ETNK1: variants seen among roughly 807,000 people sequenced by gnomAD.
ETNK1 encodes the protein ethanolamine kinase 1, also known as putative protein product of Nbla10396.
In ETNK1, 8 loss-of-function variants were observed where a neutral mutation model predicts 45.1. That is an observed-to-expected ratio of 0.18 (90% confidence interval 0.10 to 0.32). The LOEUF (loss-of-function observed/expected upper bound fraction) is 0.32, where lower values mean the gene tolerates loss of function less well. Ranked by LOEUF, ETNK1 falls within the 10% of genes least tolerant of loss-of-function variation. ETNK1 has a pLI of 1.00. For synonymous variants in ETNK1, 152 were observed against 151.9 expected (o/e 1.00, Z -0.01); for missense variants, 302 against 430.6 (o/e 0.70, Z 2.64).
intron 4 of ETNK1, among the ~76,000 whole-genome samples, chr12:22,664,405 GATTA>G (rs934948478): frequency 1.3e-5 from 2 of 151,888 alleles, no homozygotes; most frequent in African/African-American, 2.4e-5. Context: ...TAACTTGAGA[GATTA>G]ATTTAGATTA....
intron 3 of ETNK1, 86 bp downstream of exon 3, chr12:22,659,240 T>A: frequency 7.5e-7 from 1 of 1,340,842 alleles, no homozygotes; most frequent in South Asian, 1.5e-5. Flanking sequence ...AGTTTCATTG[T>A]ATAAAATCTG....
chr12:22,676,587 G>A (rs1424662205), intron 6 of ETNK1, among the ~76,000 whole-genome samples: 1 of 152,020 alleles, frequency 6.6e-6, no homozygotes, highest in African/African-American at 2.4e-5. Flanking sequence ...TTGCCACACT[G>A]TCTTCCACAA....
At chr12:22,655,037 T>G (rs1405253056) in intron 2 of ETNK1, among the ~76,000 whole-genome samples, 1 of 152,212 alleles carries the variant, frequency 6.6e-6, no homozygotes, top group Non-Finnish European at 1.5e-5. Flanking sequence ...TGGTGAGATC[T>G]CAGCTCACTG....
At chr12:22,667,147 A>T (rs1235047293) in intron 4 of ETNK1, among the ~76,000 whole-genome samples, 1 of 152,210 alleles carries the variant, frequency 6.6e-6, no homozygotes, top group African/African-American at 2.4e-5. Context: ...ACCTGAAGTT[A>T]TGAAGAAAGA....
chr12:22,662,522 G>C (rs1218948417), intron 4 of ETNK1, among the ~76,000 whole-genome samples: 1 of 151,794 alleles, frequency 6.6e-6, no homozygotes, highest in Non-Finnish European at 1.5e-5. Context: ...AGTCCCCTGA[G>C]TAGCTGGGAC....
chr12:22,676,626 GA>G (rs1391851919), intron 6 of ETNK1, among the ~76,000 whole-genome samples: 2 of 152,016 alleles, frequency 1.3e-5, no homozygotes, highest in Non-Finnish European at 2.9e-5. Flanking sequence ...CTCCCACCAA[GA>G]GTATAAAAGC....
intron 1 of ETNK1, among the ~76,000 whole-genome samples, chr12:22,628,367 T>C (rs535354385): frequency 6.6e-6 from 1 of 152,070 alleles, no homozygotes; most frequent in Non-Finnish European, 1.5e-5. Flanking sequence ...CTTAAAAGCT[T>C]TGGCTCATAA....
At chr12:22,634,285 G>A (rs570120488) in intron 1 of ETNK1, among the ~76,000 whole-genome samples, 5 of 151,954 alleles carry the variant, frequency 3.3e-5, no homozygotes, top group Admixed American at 1.3e-4. Context: ...TTGCATTCCT[G>A]GAGAAAACCC....
rs1384636594 is a variant in ETNK1, at chr12:22,684,940, A to G, written c.1078A>G (p.Lys360Glu). ...FKMKPEVTAL[K>E]VPE The stretch of plus-strand genomic sequence containing the variant: ...AATGAAGCCTGAGGTTACTGCATTA[A>G]AAGTGCCTGAGTAAAGAAGAGATTT... Residue 360 changes from lysine to glutamate, a missense_variant, in exon 8 of 8, where the codon AAA (lysine) becomes GAA (glutamate). This residue lies in a region of ETNK1 where 94 missense variants were observed against 152.9 expected (regional missense o/e 0.61). Transcript: ENST00000266517. The G allele has an allele frequency of 6.2e-7, 1 of 1,606,014 alleles. No individual in the cohort carries two copies.
chr12:22,635,927 C>T (rs1953650169), intron 1 of ETNK1, among the ~76,000 whole-genome samples: 1 of 152,048 alleles, frequency 6.6e-6, no homozygotes, highest in Non-Finnish European at 1.5e-5. Flanking sequence ...AGGCACAGCC[C>T]AGCACTTTGG....
At chr12:22,670,473 A>G (rs1234178394) in intron 4 of ETNK1, among the ~76,000 whole-genome samples, 3 of 152,140 alleles carry the variant, frequency 2.0e-5, no homozygotes, top group Admixed American at 1.3e-4. Context: ...TCATTACTCA[A>G]AAGTTAAAAG....
chr12:22,673,534 T>G lies in ETNK1; in HGVS notation c.819T>G (p.Asp273Glu), dbSNP rs780843279. 39 of 1,613,722 alleles carry G rather than the reference T, an allele frequency of 2.4e-5. No individual in the cohort carries two copies. Among genetic ancestry groups the G allele is most frequent in the Non-Finnish European group, 3.1e-5 (37 of 1,179,842 alleles). Residue 273 changes from aspartate to glutamate, a missense_variant, in exon 6 of 8, where the codon GAT becomes GAG. Transcript: ENST00000266517. Reference protein sequence around the residue: ...VSDVDYSLYPDRELQSQWLRA... With the variant: ...VSDVDYSLYPERELQSQWLRA... ...ATGTAGACTATAGTCTGTATCCAGA[T>G]AGAGAACTACAGAGTCAGTGGCTGC... is the stretch of plus-strand genomic sequence containing the variant.
intron 1 of ETNK1, among the ~76,000 whole-genome samples, chr12:22,630,324 G>C (rs1953558949): frequency 6.6e-6 from 1 of 152,122 alleles, no homozygotes; most frequent in Admixed American, 6.5e-5. Flanking sequence ...CAGTAATTCT[G>C]ACATGTGTTT....
chr12:22,651,335 G>A (rs143622304), intron 2 of ETNK1, among the ~76,000 whole-genome samples: 1 of 152,254 alleles, frequency 6.6e-6, no homozygotes, highest in Non-Finnish European at 1.5e-5. Context: ...GAAGATGAAG[G>A]CTCCGTTGTG....
At chr12:22,671,904 A>G (rs927668666) in intron 5 of ETNK1, among the ~76,000 whole-genome samples, 1 of 150,784 alleles carries the variant, frequency 6.6e-6, no homozygotes, top group Non-Finnish European at 1.5e-5. Context: ...GCTTCTGTTG[A>G]GATCAGACAT....
chr12:22,681,779 C>T (rs1954217941), intron 6 of ETNK1, among the ~76,000 whole-genome samples: 1 of 152,016 alleles, frequency 6.6e-6, no homozygotes, highest in African/African-American at 2.4e-5. Context: ...TAATGGAATA[C>T]AGCAGGATTC....
At chr12:22,678,555 T>G (rs550478035) in intron 6 of ETNK1, among the ~76,000 whole-genome samples, 7 of 152,342 alleles carry the variant, frequency 4.6e-5, no homozygotes, top group African/African-American at 1.7e-4. Context: ...TTCACAATGC[T>G]TAAAGAGAGG....
At chr12:22,666,243 C>CTTCA (rs929693949) in intron 4 of ETNK1, among the ~76,000 whole-genome samples, 1 of 152,008 alleles carries the variant, frequency 6.6e-6, no homozygotes, top group African/African-American at 2.4e-5. Context: ...CATTCCTTGC[C>CTTCA]TTCAGTGAAA....
chr12:22,625,438 A>T lies in ETNK1; in HGVS notation c.8A>T (p.Asn3Ile). The change falls in exon 1 of 8, where the codon AAT becomes ATT. Residue 3 changes from asparagine to isoleucine, a missense_variant. This residue lies in a region of ETNK1 where 205 missense variants were observed against 259.9 expected (regional missense o/e 0.79). Coordinates refer to ENST00000266517, the MANE Select transcript of ETNK1 (RefSeq NM_018638.5). ...TCCGCCGTCGCCTGGGCCATGGCCA[A>T]TTACATCCACGTCCCTCCCGGCTCC... MA[N>I]YIHVPPGSPE... The T allele has an allele frequency of 6.3e-7, 1 of 1,588,376 alleles. No individual in the cohort carries two copies. Among genetic ancestry groups the T allele is most frequent in the East Asian group, 2.3e-5 (1 of 43,922 alleles).
Sources: allele counts gnomAD v4.1 joint callset (sites outside exome capture counted in the v4.1 genomes callset), GRCh38; gene constraint gnomAD v4.1.1; regional missense constraint gnomAD v4.1.1; transcripts MANE v1.5; gene names NCBI Gene and HGNC (gene_info 2026-07-23, HGNC 2026-07-21).